The following INPP4B variants were observed in gnomAD, a reference collection of about 807,000 sequenced individuals.
INPP4B encodes the protein inositol polyphosphate-4-phosphatase type II B.
A neutral mutation model predicts 122.5 loss-of-function variants in INPP4B; 55 were observed. That is an observed-to-expected ratio of 0.45 (90% CI 0.36 to 0.56). The LOEUF (loss-of-function observed/expected upper bound fraction) is 0.56. Among genes scored for constraint, INPP4B ranks in the 20% least tolerant of loss-of-function variants. The pLI is 0.00. For missense variants in INPP4B, 1,000 were observed against 1,097.7 expected (o/e 0.91, Z 1.26); for synonymous variants, 403 against 388.7 (o/e 1.04, Z -0.43).
At chr4:142,296,684 C>T (rs2636651) in intron 9 of INPP4B, among the ~76,000 whole-genome samples, 151,375 of 152,366 alleles carry the variant, frequency 0.99, 75,200 homozygotes, top group Middle Eastern at 1. Context: ...GCCATACTGA[C>T]AGGCAACAGA....
intron 16 of INPP4B, among the ~76,000 whole-genome samples, chr4:142,166,636 A>G (rs371919211): frequency 1.3e-5 from 2 of 151,846 alleles, no homozygotes; most frequent in African/African-American, 4.8e-5. Context: ...TTTGCAGTCT[A>G]TCCATCTGAC....
intron 15 of INPP4B, among the ~76,000 whole-genome samples, chr4:142,181,558 A>T (rs1219444554): frequency 2.0e-5 from 3 of 152,156 alleles, no homozygotes; most frequent in African/African-American, 7.2e-5. Context: ...AGCTCTACAT[A>T]CCTCATAATC....
chr4:142,095,257 C>T (rs1781326437), intron 23 of INPP4B, among the ~76,000 whole-genome samples: 1 of 152,018 alleles, frequency 6.6e-6, no homozygotes, highest in South Asian at 2.1e-4. Context: ...AAACAAAAGA[C>T]GTTGCAGTTG....
At chr4:142,112,805 A>C (rs992456208) in intron 21 of INPP4B, 123 bp from the exon 22 acceptor site, 1 of 777,568 alleles carries the variant, frequency 1.3e-6, no homozygotes, top group Admixed American at 3.0e-5. Flanking sequence ...CTGTTGCTAT[A>C]TGCTTATATT....
intron 1 of INPP4B, among the ~76,000 whole-genome samples, chr4:142,843,527 C>A (rs1369488440): frequency 6.6e-6 from 1 of 151,878 alleles, no homozygotes; most frequent in Admixed American, 6.6e-5. Context: ...CAGGGCATTT[C>A]TATCTATTAA....
At chr4:142,464,677 A>C (rs1247257933) in intron 2 of INPP4B, among the ~76,000 whole-genome samples, 1 of 152,178 alleles carries the variant, frequency 6.6e-6, no homozygotes, top group Non-Finnish European at 1.5e-5. Flanking sequence ...GCAACTAAAG[A>C]AAATACAAAC....
chr4:142,247,580 G>GT (rs2150133089), intron 11 of INPP4B, among the ~76,000 whole-genome samples: 1 of 152,252 alleles, frequency 6.6e-6, no homozygotes, highest in East Asian at 1.9e-4. Flanking sequence ...TATTTGCATA[G>GT]TGGTATTTAC....
At chr4:142,435,007 T>G (rs939313394) in intron 3 of INPP4B, among the ~76,000 whole-genome samples, 4 of 152,174 alleles carry the variant, frequency 2.6e-5, no homozygotes, top group African/African-American at 9.7e-5. Context: ...GGCTACAGGT[T>G]ACTCCAGCCA....
intron 21 of INPP4B, among the ~76,000 whole-genome samples, chr4:142,119,424 T>A (rs10003401): frequency 0.13 from 19,404 of 151,920 alleles, 1,423 homozygotes; most frequent in East Asian, 0.24. Flanking sequence ...AGAATGCATT[T>A]AGAAAATGTG....
chr4:142,579,203 A>C (rs1734484315), intron 2 of INPP4B, among the ~76,000 whole-genome samples: 1 of 152,068 alleles, frequency 6.6e-6, no homozygotes, highest in South Asian at 2.1e-4. Flanking sequence ...AAATAAATGC[A>C]TATCTCATTT....
intron 7 of INPP4B, among the ~76,000 whole-genome samples, chr4:142,339,603 C>A (rs1777996216): frequency 6.6e-6 from 1 of 152,138 alleles, no homozygotes; most frequent in Admixed American, 6.5e-5. Context: ...GAAAGCACGT[C>A]CCTCACACAA....
At chr4:142,793,320 T>G (rs1776805087) in intron 1 of INPP4B, among the ~76,000 whole-genome samples, 3 of 151,246 alleles carry the variant, frequency 2.0e-5, no homozygotes, top group Admixed American at 2.0e-4. Context: ...TCCATTCTTG[T>G]ATCCCTAGCA....
chr4:142,617,826 T>C (rs1308736587), intron 2 of INPP4B, among the ~76,000 whole-genome samples: 1 of 152,122 alleles, frequency 6.6e-6, no homozygotes, highest in African/African-American at 2.4e-5. Context: ...CCAAGCTGGA[T>C]TGAATTAACA....
At chr4:142,384,385 A>G (rs138323096) in intron 7 of INPP4B, among the ~76,000 whole-genome samples, 2 of 152,312 alleles carry the variant, frequency 1.3e-5, no homozygotes, top group Non-Finnish European at 2.9e-5. Context: ...ACAAACCTAG[A>G]TAGTATTGCC....
intron 19 of INPP4B, among the ~76,000 whole-genome samples, chr4:142,123,837 C>T (rs1021513080): frequency 6.6e-6 from 1 of 152,102 alleles, no homozygotes; most frequent in East Asian, 1.9e-4. Flanking sequence ...TTTTCCGACA[C>T]CTGGTTAGCT....
intron 2 of INPP4B, among the ~76,000 whole-genome samples, chr4:142,539,648 T>C (rs1828705613): frequency 6.6e-6 from 1 of 152,062 alleles, no homozygotes; most frequent in African/African-American, 2.4e-5. Flanking sequence ...TGTGAAAAAC[T>C]GTTGAGTAGG....
intron 2 of INPP4B, among the ~76,000 whole-genome samples, chr4:142,633,228 A>G (rs1346585030): frequency 2.6e-5 from 4 of 152,074 alleles, no homozygotes; most frequent in African/African-American, 9.7e-5. Flanking sequence ...AACACCTAAT[A>G]CTATAGTTTC....
At chr4:142,649,749 C>T (rs1752544743) in intron 2 of INPP4B, among the ~76,000 whole-genome samples, 1 of 152,134 alleles carries the variant, frequency 6.6e-6, no homozygotes, top group South Asian at 2.1e-4. Flanking sequence ...ATAGATATAT[C>T]TGAAAGTGAT....
chr4:142,805,877 T>C (rs1246650628), intron 1 of INPP4B, among the ~76,000 whole-genome samples: 1 of 152,170 alleles, frequency 6.6e-6, no homozygotes, highest in Non-Finnish European at 1.5e-5. Flanking sequence ...TGCACGGGTG[T>C]TGGCACCCAT....
Sources: gnomAD v4.1 joint callset for allele counts (sites outside exome capture counted in the v4.1 genomes callset) on GRCh38, gnomAD v4.1.1 for gene constraint, MANE v1.5 for transcripts, NCBI Gene and HGNC (gene_info 2026-07-23, HGNC 2026-07-21) for gene names.